OPRM1: variants seen among roughly 807,000 people sequenced by gnomAD.
The protein encoded by OPRM1 is mu-type opioid receptor.
OPRM1 carries 27 observed loss-of-function variants against 31.8 expected under a neutral mutation model. That is an observed-to-expected ratio of 0.85 (90% CI 0.63 to 1.17). The LOEUF (loss-of-function observed/expected upper bound fraction) is 1.17. Ranked by LOEUF, OPRM1 falls within the 50% of genes most tolerant of loss-of-function variation. The pLI, the probability that OPRM1 is intolerant of heterozygous loss-of-function variation, is 0.00. For synonymous variants in OPRM1, 196 were observed against 189.9 expected (o/e 1.03, Z -0.26); for missense variants, 536 against 511.1 (o/e 1.05, Z -0.47).
At chr6:154,133,637 T>C (rs1372605208), downstream of OPRM1, among the ~76,000 whole-genome samples, 2 of 152,232 alleles carry the variant, frequency 1.3e-5, no homozygotes, top group African/African-American at 4.8e-5. Context: ...ACTATTTTTA[T>C]TGAAAAGACT....
downstream of OPRM1, among the ~76,000 whole-genome samples, chr6:154,135,775 C>A (rs1256399149): frequency 6.6e-6 from 1 of 152,154 alleles, no homozygotes; most frequent in African/African-American, 2.4e-5. Context: ...GCTGTAGGCA[C>A]CACTCGACAT....
intron 1 of OPRM1, among the ~76,000 whole-genome samples, chr6:154,046,029 T>C (rs1289760703): frequency 6.6e-6 from 1 of 152,228 alleles, no homozygotes; most frequent in East Asian, 1.9e-4. Context: ...ATGGTTCACC[T>C]TCACACAAGG....
rs143635232 is a variant in OPRM1, at chr6:154,050,440, A to G, written c.290+10606A>G. Among the ~76,000 whole-genome samples, 495 of 152,324 alleles carry G rather than the reference A, an allele frequency of 3.2e-3. 2 individuals are homozygous for G. Among genetic ancestry groups the G allele is most frequent in the African/African-American group, 0.012 (482 of 41,562 alleles). On this transcript the variant is annotated intron_variant, in intron 1 of 3. Coordinates refer to ENST00000330432, the MANE Select transcript of OPRM1 (RefSeq NM_000914.5). ...CCATTAAAAAGAATGAGATCCACTCATTTGCAACAACATGGATGGAACTAG... is the reference window on the plus strand; with the variant it reads ...CCATTAAAAAGAATGAGATCCACTCGTTTGCAACAACATGGATGGAACTAG...
intron 3 of OPRM1, among the ~76,000 whole-genome samples, chr6:154,245,702 C>CCTCAA (rs369773438): frequency 2.0e-5 from 3 of 152,194 alleles, no homozygotes; most frequent in South Asian, 4.2e-4. Context: ...GACTAAAGGC[C>CCTCAA]CTCCAGTGCT....
At position 154,131,506 on chromosome 6, in the gene OPRM1, G is replaced by A. The variant is rs1038848435; in HGVS notation, c.*12785G>A. On this transcript the variant is annotated 3_prime_UTR_variant, in exon 4 of 4. Coordinates refer to ENST00000330432, the MANE Select transcript of OPRM1 (RefSeq NM_000914.5). ...TAATTCGTTTCCTTGACAGTGTTGG[G>A]GGTGAAATAAAAGATAGACCCCTGC... Among the ~76,000 whole-genome samples, 5 of 152,112 alleles carry A rather than the reference G, an allele frequency of 3.3e-5. No homozygotes were observed. In the East Asian group the frequency reaches 9.6e-4, roughly 29 times the overall value.
chr6:154,055,198 G>C (rs1782999967), intron 1 of OPRM1, among the ~76,000 whole-genome samples: 1 of 152,128 alleles, frequency 6.6e-6, no homozygotes, highest in African/African-American at 2.4e-5. Context: ...GACCGGCCTG[G>C]CCATCATGGT....
intron 1 of OPRM1, among the ~76,000 whole-genome samples, chr6:154,040,260 T>C (rs754853088): frequency 6.6e-6 from 1 of 151,936 alleles, no homozygotes; most frequent in African/African-American, 2.4e-5. Context: ...CCAAATTTGG[T>C]TGGGGCCGGT....
chr6:154,061,500 TG>T (rs1340670115), intron 1 of OPRM1, among the ~76,000 whole-genome samples: 1 of 152,092 alleles, frequency 6.6e-6, no homozygotes, highest in African/African-American at 2.4e-5. Flanking sequence ...TAAAAAAGAA[TG>T]AAATCATGTC....
intron 3 of OPRM1, among the ~76,000 whole-genome samples, chr6:154,211,443 G>A (rs932800898): frequency 2.1e-4 from 32 of 151,408 alleles, no homozygotes; most frequent in Admixed American, 2.0e-3. Context: ...GGAAAAGCAT[G>A]TCCTATAAAG....
At chr6:154,032,506 C>A (rs80219442) in intron 1 of OPRM1, among the ~76,000 whole-genome samples, 2 of 152,130 alleles carry the variant, frequency 1.3e-5, no homozygotes, top group Non-Finnish European at 2.9e-5. Flanking sequence ...CACAATCATA[C>A]CTTACTGAAG....
chr6:154,066,948 T>A (rs1350846175), intron 1 of OPRM1, among the ~76,000 whole-genome samples: 1 of 152,206 alleles, frequency 6.6e-6, no homozygotes, highest in African/African-American at 2.4e-5. Context: ...ATTATCCAAT[T>A]TGTTGGCATA....
intron 3 of OPRM1, among the ~76,000 whole-genome samples, chr6:154,180,414 A>ATATATATATATATATATATATTTTTTTTT (rs1241250621): frequency 1.5e-5 from 1 of 65,262 alleles, no homozygotes; most frequent in African/African-American, 4.8e-5. Flanking sequence ...ATATATATAT[A>ATATATATATATATATATATATTTTTTTTT]TTTTTTTTTT....
intron 1 of OPRM1, among the ~76,000 whole-genome samples, chr6:154,066,861 T>C (rs1331796029): frequency 6.6e-6 from 1 of 152,154 alleles, no homozygotes; most frequent in Non-Finnish European, 1.5e-5. Context: ...ACTCAATGTA[T>C]GGTATTTTAT....
chr6:154,199,851 C>G, intron 3 of OPRM1: 6 of 1,614,206 alleles, frequency 3.7e-6, no homozygotes, highest in Non-Finnish European at 5.1e-6. Context: ...TGAACTTGCA[C>G]AGCAAACGTT....
intron 3 of OPRM1, among the ~76,000 whole-genome samples, chr6:154,104,485 A>G (rs1005799063): frequency 1.3e-5 from 2 of 152,224 alleles, no homozygotes; most frequent in African/African-American, 4.8e-5. Context: ...TTAGATTTTT[A>G]CATTACCCAT....
intron 1 of OPRM1, among the ~76,000 whole-genome samples, chr6:154,016,956 G>A (rs553638613): frequency 2.6e-4 from 40 of 152,072 alleles, no homozygotes; most frequent in Non-Finnish European, 3.5e-4. Context: ...ATAATGATTG[G>A]GGTTTGTTCC....
chr6:154,013,837 A>G (rs56278824), intron 1 of OPRM1, among the ~76,000 whole-genome samples: 9,093 of 152,114 alleles, frequency 0.06, 374 homozygotes, highest in African/African-American at 0.11. Context: ...GAGTGGGAAG[A>G]CATGTGGAAA....
intron 1 of OPRM1, among the ~76,000 whole-genome samples, chr6:154,082,248 G>T (rs910665693): frequency 6.6e-6 from 1 of 152,048 alleles, no homozygotes; most frequent in African/African-American, 2.4e-5. Flanking sequence ...AGCATATGCT[G>T]GTGCCCATCT....
chr6:154,218,438 G>A (rs1778590069), intron 3 of OPRM1, among the ~76,000 whole-genome samples: 2 of 152,154 alleles, frequency 1.3e-5, no homozygotes, highest in African/African-American at 4.8e-5. Context: ...TCGTCCCTGA[G>A]AGAAATGTCA....
Sources: gnomAD v4.1 joint callset for allele counts (sites outside exome capture counted in the v4.1 genomes callset) on GRCh38, gnomAD v4.1.1 for gene constraint, MANE v1.5 for transcripts, NCBI Gene and HGNC (gene_info 2026-07-23, HGNC 2026-07-21) for gene names.